The following FANCC variants were observed in gnomAD, a reference collection of about 807,000 sequenced individuals.
The protein encoded by FANCC is FA complementation group C.
Under a neutral mutation model 71.3 loss-of-function variants are expected in FANCC, and 55 were observed. That is an observed-to-expected ratio of 0.77 (90% CI 0.62 to 0.97). FANCC has a LOEUF of 0.97. FANCC is among the 50% of genes least tolerant of loss of function. The pLI, the probability that FANCC is intolerant of heterozygous loss-of-function variation, is 0.00. For synonymous variants in FANCC, 275 were observed against 244.9 expected (o/e 1.12, Z -1.15); for missense variants, 678 against 670.9 (o/e 1.01, Z -0.12).
intron 4 of FANCC, among the ~76,000 whole-genome samples, chr9:95,230,314 C>T (rs920538370): frequency 6.6e-6 from 1 of 152,114 alleles, no homozygotes; most frequent in African/African-American, 2.4e-5. Context: ...TGAGTGGTTT[C>T]GAGAGCTCAA....
chr9:95,131,307 C>T (rs1426879679), intron 8 of FANCC, among the ~76,000 whole-genome samples: 3 of 152,236 alleles, frequency 2.0e-5, no homozygotes, highest in African/African-American at 7.2e-5. Context: ...ATCCAATTAG[C>T]CCGGGTAGCC....
chr9:95,254,309 C>T (rs916928083), intron 1 of FANCC, among the ~76,000 whole-genome samples: 1 of 152,234 alleles, frequency 6.6e-6, no homozygotes, highest in Non-Finnish European at 1.5e-5. Context: ...ATAGGAACAG[C>T]TCTGGTCTGC....
intron 1 of FANCC, among the ~76,000 whole-genome samples, chr9:95,314,555 G>C (rs1835621575): frequency 6.6e-6 from 1 of 152,076 alleles, no homozygotes; most frequent in Non-Finnish European, 1.5e-5. Context: ...GGGAGGCTGA[G>C]GCAGAAGAAT....
intron 4 of FANCC, among the ~76,000 whole-genome samples, chr9:95,188,515 G>C (rs1826874220): frequency 6.6e-6 from 1 of 152,156 alleles, no homozygotes; most frequent in South Asian, 2.1e-4. Context: ...AAGAAGGTCA[G>C]GAGTTCCTAG....
chr9:95,302,430 T>G (rs1297585127), intron 1 of FANCC, among the ~76,000 whole-genome samples: 1 of 152,210 alleles, frequency 6.6e-6, no homozygotes, highest in Non-Finnish European at 1.5e-5. Context: ...CTCAAAGGGC[T>G]GTTTTGAGGA....
intron 4 of FANCC, chr9:95,186,690 G>A (rs1320633585): frequency 2.0e-5 from 3 of 152,034 alleles, no homozygotes; most frequent in African/African-American, 4.8e-5. Flanking sequence ...CATATATAAA[G>A]GCAAAGAAGA....
At chr9:95,212,189 A>T (rs1429825417) in intron 4 of FANCC, among the ~76,000 whole-genome samples, 1 of 152,158 alleles carries the variant, frequency 6.6e-6, no homozygotes, top group East Asian at 1.9e-4. Context: ...AGGACAGAAT[A>T]AGCACTTAAA....
chr9:95,132,248 C>G (rs1169847147), intron 8 of FANCC, among the ~76,000 whole-genome samples: 1 of 152,220 alleles, frequency 6.6e-6, no homozygotes, highest in Non-Finnish European at 1.5e-5. Flanking sequence ...GCCACCCTGA[C>G]ACCCTGCAGA....
chr9:95,299,906 C>G (rs1003632768), intron 1 of FANCC, among the ~76,000 whole-genome samples: 1 of 152,090 alleles, frequency 6.6e-6, no homozygotes, highest in Non-Finnish European at 1.5e-5. Context: ...TCTCTGTATA[C>G]TCAAAACTCA....
intron 4 of FANCC, among the ~76,000 whole-genome samples, chr9:95,204,835 G>A (rs1241992949): frequency 3.3e-5 from 5 of 152,104 alleles, no homozygotes; most frequent in African/African-American, 9.7e-5. Context: ...AATCTCCTCT[G>A]CCACAGGGTC....
At chr9:95,182,530 G>A (rs1305302897) in intron 4 of FANCC, among the ~76,000 whole-genome samples, 2 of 152,098 alleles carry the variant, frequency 1.3e-5, no homozygotes. Context: ...CAAGAAAAAC[G>A]TGCTTATAAA....
chr9:95,119,199 TG>T (rs1439625729), intron 10 of FANCC, among the ~76,000 whole-genome samples: 1 of 152,234 alleles, frequency 6.6e-6, no homozygotes, highest in Non-Finnish European at 1.5e-5. Flanking sequence ...GTATCTTTTT[TG>T]AAAGTATATA....
chr9:95,276,118 G>A (rs1763638491), intron 1 of FANCC, among the ~76,000 whole-genome samples: 1 of 152,144 alleles, frequency 6.6e-6, no homozygotes, highest in Non-Finnish European at 1.5e-5. Context: ...TCCAAGTCTA[G>A]TGTTTGAACT....
intron 14 of FANCC, among the ~76,000 whole-genome samples, chr9:95,105,691 G>GGACTT (rs2071389727): frequency 6.6e-6 from 1 of 152,118 alleles, no homozygotes; most frequent in South Asian, 2.1e-4. Flanking sequence ...TCCTCTCCCT[G>GGACTT]GACTTGACTC....
chr9:95,170,654 G>GTGTGTGTGTGTGTGTA (rs1825609947), intron 6 of FANCC, among the ~76,000 whole-genome samples: 1 of 150,662 alleles, frequency 6.6e-6, no homozygotes, highest in Middle Eastern at 3.4e-3. Flanking sequence ...GTGTGTGTGT[G>GTGTGTGTGTGTGTGTA]TGTGTGTGTG....
At chr9:95,229,770 T>TACACACAC (rs3030656) in intron 4 of FANCC, among the ~76,000 whole-genome samples, 4 of 148,426 alleles carry the variant, frequency 2.7e-5, no homozygotes, top group African/African-American at 7.5e-5. Flanking sequence ...TGCACACATG[T>TACACACAC]ACACACACAC....
Position 95,193,989 on chromosome 9 carries a change from G to C in FANCC, c.346-21842C>G, listed in dbSNP as rs149088732. Among the ~76,000 whole-genome samples, 5 of 152,218 alleles carry C rather than the reference G, an allele frequency of 3.3e-5. No individual in the cohort carries two copies. In the East Asian group the frequency reaches 9.6e-4, roughly 29 times the overall value. On this transcript the variant is annotated intron_variant, in intron 4 of 14. Coordinates refer to ENST00000289081, the MANE Select transcript of FANCC (RefSeq NM_000136.3). ...TCTTCTCTCCTTCTGAGTCCACCCT[G>C]TTACTTCCAAGGCTGCACACCAGTA...
chr9:95,124,674 G>C (rs1825697728), intron 10 of FANCC, among the ~76,000 whole-genome samples: 1 of 152,208 alleles, frequency 6.6e-6, no homozygotes, highest in South Asian at 2.1e-4. Flanking sequence ...ATGTCCAGGA[G>C]TGCTTTGTAA....
intron 6 of FANCC, among the ~76,000 whole-genome samples, chr9:95,166,243 G>T (rs1053606280): frequency 6.6e-6 from 1 of 151,926 alleles, no homozygotes; most frequent in East Asian, 1.9e-4. Flanking sequence ...GATAGAGAAG[G>T]ACTTACTATT....
Sources: allele counts gnomAD v4.1 joint callset (sites outside exome capture counted in the v4.1 genomes callset), GRCh38; gene constraint gnomAD v4.1.1; transcripts MANE v1.5; gene names NCBI Gene and HGNC (gene_info 2026-07-23, HGNC 2026-07-21).